The following MLIP variants were observed in gnomAD, a reference collection of about 807,000 sequenced individuals.
MLIP encodes muscular LMNA interacting protein.
Under a neutral mutation model 84.8 loss-of-function variants are expected in MLIP, and 79 were observed. The ratio of observed to expected loss-of-function variants is 0.93; its 90% CI spans 0.78 to 1.12. MLIP has a LOEUF of 1.12. Among genes scored for constraint, MLIP ranks in the 50% most tolerant of loss-of-function variants. The probability of loss-of-function intolerance (pLI) is 0.00; values close to 1 mark genes in which losing one functional copy is unlikely to be tolerated. For missense variants in MLIP, 1,257 were observed against 1,160.6 expected, an observed-to-expected ratio of 1.08 and a Z score of -1.21; for synonymous variants, 504 against 463.0, an observed-to-expected ratio of 1.09 and a Z score of -1.14.
intron 5 of MLIP, among the ~76,000 whole-genome samples, chr6:54,156,144 G>A (rs1212209044): frequency 6.6e-6 from 1 of 151,916 alleles, no homozygotes. Flanking sequence ...AATTTTGGAC[G>A]ATAGAAAAAG....
intron 1 of MLIP, among the ~76,000 whole-genome samples, chr6:54,040,560 T>C (rs913116051): frequency 2.0e-5 from 3 of 152,092 alleles, no homozygotes; most frequent in African/African-American, 4.8e-5. Context: ...ATCCCATTAC[T>C]GGGTTTAAAT....
chr6:54,188,733 T>C (rs1777635125), intron 9 of MLIP, among the ~76,000 whole-genome samples: 1 of 152,144 alleles, frequency 6.6e-6, no homozygotes, highest in Admixed American at 6.5e-5. Flanking sequence ...GATAGTCATG[T>C]AGGATTTTTC....
chr6:54,181,713 C>A (rs1198531376), intron 9 of MLIP, among the ~76,000 whole-genome samples: 1 of 152,154 alleles, frequency 6.6e-6, no homozygotes, highest in Non-Finnish European at 1.5e-5. Flanking sequence ...CCCAACGGCT[C>A]TTTAGTCAGC....
chr6:54,128,096 A>G (rs1771077861), intron 3 of MLIP, among the ~76,000 whole-genome samples: 1 of 152,172 alleles, frequency 6.6e-6, no homozygotes. Context: ...TTAAGCATGA[A>G]TGAAGTTTAT....
chr6:54,059,843 T>A (rs1432667519), intron 1 of MLIP, among the ~76,000 whole-genome samples: 1 of 55,124 alleles, frequency 1.8e-5, no homozygotes, highest in East Asian at 5.5e-4. Flanking sequence ...GGTTTATGAA[T>A]GGAATAATCA....
At chr6:54,109,790 T>A (rs1021858012), upstream of MLIP, among the ~76,000 whole-genome samples, 1 of 152,098 alleles carries the variant, frequency 6.6e-6, no homozygotes, top group Non-Finnish European at 1.5e-5. Flanking sequence ...ATGCAGAATC[T>A]GAGGCCACAT....
chr6:54,149,048 C>A lies in MLIP; in HGVS notation c.2218-8C>A. The A allele has an allele frequency of 6.2e-7, 1 of 1,611,728 alleles. No homozygotes were observed. The highest frequency in any genetic ancestry group is 1.1e-5 in the South Asian group (1 of 90,866). ...TCTCTACTCTTGCTTTCTGGTTGCC[C>A]ATTCTAGCAATACAAGACCAAGTCA... On this transcript the variant is annotated splice_region_variant and splice_polypyrimidine_tract_variant and intron_variant, in intron 4 of 13. Coordinates refer to ENST00000502396, the MANE Select transcript of MLIP (RefSeq NM_001281747.2).
chr6:54,127,494 G>A (rs1242400177), intron 3 of MLIP, among the ~76,000 whole-genome samples: 1 of 152,086 alleles, frequency 6.6e-6, no homozygotes, highest in African/African-American at 2.4e-5. Flanking sequence ...TGTTCTCTCA[G>A]TGAAAGCAAT....
chr6:54,031,114 TA>T (rs1285232674), intron 1 of MLIP, among the ~76,000 whole-genome samples: 16 of 152,296 alleles, frequency 1.1e-4, no homozygotes, highest in Middle Eastern at 3.4e-3. Flanking sequence ...GCAGCCCTAT[TA>T]GCCAAACCCT....
chr6:54,074,010 A>G (rs1766643637), intron 1 of MLIP, among the ~76,000 whole-genome samples: 1 of 152,318 alleles, frequency 6.6e-6, no homozygotes, highest in East Asian at 1.9e-4. Flanking sequence ...TGCTAAACCA[A>G]TGTAAGTTTT....
intron 1 of MLIP, among the ~76,000 whole-genome samples, chr6:54,089,654 G>C (rs753117765): frequency 2.6e-5 from 4 of 151,932 alleles, no homozygotes; most frequent in Non-Finnish European, 5.9e-5. Context: ...CAAAACAAAA[G>C]AAAACAAAAT....
intron 1 of MLIP, chr6:54,079,391 T>C (rs999218936): frequency 6.6e-6 from 1 of 152,172 alleles, no homozygotes; most frequent in Admixed American, 6.5e-5. Flanking sequence ...TAATTTATGA[T>C]GGGTGGGAAA....
At position 54,192,771 on chromosome 6, in the gene MLIP, A is replaced by G. The variant is rs1778038207; in HGVS notation, c.2589+2857A>G. 6.6e-5 allele frequency among the ~76,000 whole-genome samples: 10 copies of G among 152,284 alleles called. No homozygotes were observed. The South Asian group carries it at 2.1e-3, about 32-fold the overall frequency. On this transcript the variant is annotated intron_variant, in intron 10 of 13. Coordinates refer to ENST00000502396, the MANE Select transcript of MLIP (RefSeq NM_001281747.2). ...ACGCATAAAAACAAAGTTATTGGAA[A>G]TGTATGATACTTTATAGTTGAATTA...
At chr6:54,049,532 G>A (rs2150314932) in intron 1 of MLIP, among the ~76,000 whole-genome samples, 1 of 152,228 alleles carries the variant, frequency 6.6e-6, no homozygotes, top group Non-Finnish European at 1.5e-5. Context: ...AAAGATAAAT[G>A]TTAGGTGAAA....
At chr6:54,232,345 G>A (rs1365389070) in intron 12 of MLIP, among the ~76,000 whole-genome samples, 1 of 152,080 alleles carries the variant, frequency 6.6e-6, no homozygotes, top group Non-Finnish European at 1.5e-5. Flanking sequence ...GTTCAGCAAG[G>A]ATAGACTATA....
intron 12 of MLIP, among the ~76,000 whole-genome samples, chr6:54,240,981 T>TA (rs200601607): frequency 0.01 from 1,565 of 150,614 alleles, 21 homozygotes; most frequent in African/African-American, 0.032. Flanking sequence ...TCTCAAAAAA[T>TA]AAAAAAAAAT....
intron 1 of MLIP, among the ~76,000 whole-genome samples, chr6:54,093,177 C>T (rs558233666): frequency 6.3e-4 from 96 of 152,066 alleles, no homozygotes; most frequent in African/African-American, 2.2e-3. Context: ...ATGCCCAGCC[C>T]GAGTTATTGA....
chr6:54,256,010 A>G (rs1286624627), intron 12 of MLIP, among the ~76,000 whole-genome samples: 1 of 152,148 alleles, frequency 6.6e-6, no homozygotes, highest in African/African-American at 2.4e-5. Flanking sequence ...TCTGATGAAC[A>G]GGAGAAAGTA....
chr6:54,068,617 A>G (rs1315244517), intron 1 of MLIP, among the ~76,000 whole-genome samples: 1 of 101,190 alleles, frequency 9.9e-6, no homozygotes, highest in Non-Finnish European at 2.8e-5. Flanking sequence ...TCAGAAGTTA[A>G]TACTTTAATA....
Sources: allele counts gnomAD v4.1 joint callset (sites outside exome capture counted in the v4.1 genomes callset), GRCh38; gene constraint gnomAD v4.1.1; transcripts MANE v1.5; gene names NCBI Gene and HGNC (gene_info 2026-07-23, HGNC 2026-07-21).